SPIDR: variants seen among roughly 807,000 people sequenced by gnomAD.
SPIDR encodes DNA repair-scaffolding protein.
SPIDR carries 93 observed loss-of-function variants against 104.6 expected under a neutral mutation model. The observed-to-expected ratio is 0.89, with a 90% confidence interval of 0.75 to 1.06. The LOEUF (loss-of-function observed/expected upper bound fraction) is 1.06, where lower values mean the gene tolerates loss of function less well. Among genes scored for constraint, SPIDR ranks in the 50% least tolerant of loss-of-function variants. The pLI is 0.00. For missense variants in SPIDR, 1,154 were observed against 1,111.2 expected (o/e 1.04, Z -0.55); for synonymous variants, 431 against 416.9 (o/e 1.03, Z -0.41).
chr8:47,311,708 ACTT>A (rs1356968167), intron 5 of SPIDR, among the ~76,000 whole-genome samples: 5 of 151,430 alleles, frequency 3.3e-5, no homozygotes, highest in African/African-American at 1.2e-4. Flanking sequence ...ATGGTAGCTG[ACTT>A]CTTTTTTTTT....
intron 10 of SPIDR, among the ~76,000 whole-genome samples, chr8:47,628,758 A>T (rs1022459319): frequency 5.3e-5 from 8 of 152,206 alleles, no homozygotes; most frequent in Admixed American, 3.3e-4. Flanking sequence ...GAATACACAT[A>T]TACTGACTTC....
intron 5 of SPIDR, among the ~76,000 whole-genome samples, chr8:47,356,813 T>C (rs2054641384): frequency 6.6e-6 from 1 of 152,190 alleles, no homozygotes; most frequent in Non-Finnish European, 1.5e-5. Flanking sequence ...ATTTGGATAC[T>C]GAACTTTGGT....
chr8:47,331,811 A>G (rs1269733619), intron 5 of SPIDR, among the ~76,000 whole-genome samples: 2 of 151,948 alleles, frequency 1.3e-5, no homozygotes, highest in African/African-American at 2.4e-5. Context: ...GCTCTTTTGT[A>G]ATAACACTTA....
chr8:47,444,655 C>T (rs375432794), intron 8 of SPIDR, among the ~76,000 whole-genome samples: 45 of 152,244 alleles, frequency 3.0e-4, no homozygotes, highest in African/African-American at 1.1e-3. Context: ...CATTATACCT[C>T]CCTTCTGATT....
At chr8:47,606,090 A>G (rs1439503035) in intron 10 of SPIDR, among the ~76,000 whole-genome samples, 2 of 152,202 alleles carry the variant, frequency 1.3e-5, no homozygotes, top group East Asian at 1.9e-4. Context: ...AAGTGTGACC[A>G]CTGCTGTCTA....
At chr8:47,672,389 CCTT>C (rs2154471986) in intron 10 of SPIDR, among the ~76,000 whole-genome samples, 1 of 152,276 alleles carries the variant, frequency 6.6e-6, no homozygotes, top group South Asian at 2.1e-4. Flanking sequence ...ACGTGTTAGA[CCTT>C]CTCACTCTCC....
At chr8:47,462,355 T>C (rs780478114) in intron 8 of SPIDR, among the ~76,000 whole-genome samples, 2 of 152,010 alleles carry the variant, frequency 1.3e-5, no homozygotes, top group Non-Finnish European at 2.9e-5. Flanking sequence ...CTTCAGAGGG[T>C]CTGTGGATTC....
chr8:47,574,697 A>G (rs1239707787), intron 8 of SPIDR, among the ~76,000 whole-genome samples: 3 of 151,862 alleles, frequency 2.0e-5, no homozygotes, highest in African/African-American at 7.3e-5. Context: ...GAGGCAGGAG[A>G]ATTGCTTGAA....
chr8:47,573,958 A>G (rs1269935013), intron 8 of SPIDR, among the ~76,000 whole-genome samples: 2 of 152,316 alleles, frequency 1.3e-5, no homozygotes, highest in Non-Finnish European at 2.9e-5. Context: ...CCTCTGTAAA[A>G]CAGACTTTTA....
At chr8:47,522,786 T>G (rs1462411804) in intron 8 of SPIDR, among the ~76,000 whole-genome samples, 1 of 152,192 alleles carries the variant, frequency 6.6e-6, no homozygotes, top group Non-Finnish European at 1.5e-5. Flanking sequence ...TGAAGATTCT[T>G]GGTTTTGGAT....
chr8:47,264,628 G>T (rs531198420), intron 1 of SPIDR, among the ~76,000 whole-genome samples: 27 of 151,376 alleles, frequency 1.8e-4, no homozygotes, highest in Admixed American at 1.7e-3. Flanking sequence ...TGCCTTTTGA[G>T]ATTTTCTTTT....
intron 10 of SPIDR, among the ~76,000 whole-genome samples, chr8:47,622,523 C>T (rs2065317123): frequency 6.6e-6 from 1 of 152,144 alleles, no homozygotes. Flanking sequence ...TCACCTGCTG[C>T]AGCCTCACAG....
intron 5 of SPIDR, among the ~76,000 whole-genome samples, chr8:47,371,334 G>C (rs1414616062): frequency 6.6e-6 from 1 of 152,064 alleles, no homozygotes; most frequent in East Asian, 1.9e-4. Context: ...AGACAGCCAG[G>C]TTGGAGCCCA....
intron 5 of SPIDR, among the ~76,000 whole-genome samples, chr8:47,386,474 GA>G (rs1554648284): frequency 6.6e-6 from 1 of 152,140 alleles, no homozygotes; most frequent in Non-Finnish European, 1.5e-5. Context: ...ATTCACTGAG[GA>G]AATCAGGTGT....
chr8:47,361,094 GC>G, intron 5 of SPIDR: 1 of 656,150 alleles, frequency 1.5e-6, no homozygotes, highest in Non-Finnish European at 1.9e-6. Context: ...AAAGAAGGTA[GC>G]AAAAGTCCCA....
chr8:47,271,715 G>C (rs1291380329), intron 1 of SPIDR, among the ~76,000 whole-genome samples: 1 of 151,872 alleles, frequency 6.6e-6, no homozygotes, highest in African/African-American at 2.4e-5. Flanking sequence ...CCAACTTCTG[G>C]CTCCTCTCAG....
At chr8:47,640,938 C>A (rs2068844257) in intron 10 of SPIDR, among the ~76,000 whole-genome samples, 1 of 132,258 alleles carries the variant, frequency 7.6e-6, no homozygotes, top group Non-Finnish European at 1.5e-5. Flanking sequence ...GTCTCGAACT[C>A]CTGAGCTGAG....
chr8:47,430,453 G>A (rs961004629), intron 7 of SPIDR, among the ~76,000 whole-genome samples: 1 of 152,118 alleles, frequency 6.6e-6, no homozygotes, highest in African/African-American at 2.4e-5. Flanking sequence ...GGGCCGGATT[G>A]ATGTTGGAGT....
At chr8:47,637,163 C>G (rs181446461) in intron 10 of SPIDR, among the ~76,000 whole-genome samples, 34 of 152,352 alleles carry the variant, frequency 2.2e-4, no homozygotes, top group Admixed American at 2.2e-3. Flanking sequence ...ATTCAGGACA[C>G]CACATTATAC....
Sources: gnomAD v4.1 joint callset for allele counts (sites outside exome capture counted in the v4.1 genomes callset) on GRCh38, gnomAD v4.1.1 for gene constraint, MANE v1.5 for transcripts, NCBI Gene and HGNC (gene_info 2026-07-23, HGNC 2026-07-21) for gene names.